The following BRI3 variants were observed in gnomAD, a reference collection of about 807,000 sequenced individuals.
BRI3 encodes brain protein I3.
A neutral mutation model predicts 12.8 loss-of-function variants in BRI3; 6 were observed. That is an observed-to-expected ratio of 0.47 (90% confidence interval 0.26 to 0.93). BRI3 has a LOEUF of 0.93. BRI3 is among the 40% of genes least tolerant of loss of function. The pLI is 0.15. For missense variants in BRI3, 134 were observed against 171.1 expected (o/e 0.78, Z 1.21); for synonymous variants, 91 against 76.1 (o/e 1.20, Z -1.02).
intron 2 of BRI3, among the ~76,000 whole-genome samples, chr7:98,289,940 T>C (rs1468761568): frequency 1.3e-5 from 2 of 152,218 alleles, no homozygotes; most frequent in African/African-American, 2.4e-5. Context: ...TTTAGTCTGT[T>C]ACAAACATTG....
chr7:98,307,398 A>G (rs944015045), intron 1 of BRI3: 11 of 1,234,280 alleles, frequency 8.9e-6, no homozygotes, highest in Middle Eastern at 3.5e-4. Flanking sequence ...GAGCCACTGC[A>G]CTGGCCAAAT....
At chr7:98,292,395 G>A (rs1800002875), downstream of BRI3, 4 of 494,038 alleles carry the variant, frequency 8.1e-6, no homozygotes, top group Admixed American at 3.5e-5. Flanking sequence ...TTTTAGTAGA[G>A]ACTCCTGACC....
chr7:98,310,449 T>C (rs1800824473), downstream of BRI3: 2 of 1,592,368 alleles, frequency 1.3e-6, no homozygotes, highest in African/African-American at 1.4e-5. Flanking sequence ...TCTTACCTGT[T>C]GAATTATTTA....
chr7:98,290,416 C>T (rs1451850923), intron 2 of BRI3, among the ~76,000 whole-genome samples: 10 of 151,222 alleles, frequency 6.6e-5, no homozygotes, highest in South Asian at 2.1e-4. Flanking sequence ...AGGATGGTCT[C>T]GATCTCCTGA....
At chr7:98,283,515 T>C (rs1799604448) in intron 2 of BRI3, among the ~76,000 whole-genome samples, 1 of 149,076 alleles carries the variant, frequency 6.7e-6, no homozygotes, top group African/African-American at 2.5e-5. Flanking sequence ...GCAGAAACAT[T>C]AGCCTTTGGA....
downstream of BRI3, among the ~76,000 whole-genome samples, chr7:98,314,812 G>A (rs1001820577): frequency 3.9e-5 from 6 of 152,218 alleles, no homozygotes; most frequent in African/African-American, 1.4e-4. Flanking sequence ...CAGCAGCCAT[G>A]GTGAAGACAC....
intron 2 of BRI3, among the ~76,000 whole-genome samples, chr7:98,284,666 C>T (rs117150865): frequency 1.3e-5 from 2 of 152,382 alleles, no homozygotes; most frequent in East Asian, 3.9e-4. Context: ...AGTCACACAT[C>T]TGTTAGTCCT....
Position 98,300,412 on chromosome 7 carries a change from C to T in BRI3, c.72-6071C>T, listed in dbSNP as rs554759371. Among the ~76,000 whole-genome samples, 28 of 152,284 alleles carry T rather than the reference C, an allele frequency of 1.8e-4. 1 individual carries two copies. Among genetic ancestry groups the T allele is most frequent in the African/African-American group, 5.1e-4 (21 of 41,560 alleles). ...GAGTGCTGTCTACAGAGGCTGGATG[C>T]GGGTGACAGTTGCAGTCCCTCCCCG... On this transcript the variant is annotated intron_variant and NMD_transcript_variant, in intron 1 of 2. Transcript: ENST00000491463.
chr7:98,290,602 G>A (rs1021500525), intron 2 of BRI3, among the ~76,000 whole-genome samples: 6 of 151,054 alleles, frequency 4.0e-5, no homozygotes, highest in African/African-American at 7.3e-5. Flanking sequence ...GGATTCAAGC[G>A]ATTCTCCTGC....
chr7:98,289,601 A>T (rs1015493599), intron 2 of BRI3, among the ~76,000 whole-genome samples: 2 of 152,074 alleles, frequency 1.3e-5, no homozygotes, highest in African/African-American at 4.8e-5. Context: ...TCTATCAGAC[A>T]GCCCCACCCT....
rs1167915414 is a variant in BRI3 at position 98,300,234 on chromosome 7, G to T, written c.72-6249G>T. Among the ~76,000 whole-genome samples, 4 of 139,074 alleles carry T rather than the reference G, an allele frequency of 2.9e-5. No individual in the cohort carries two copies. In the Admixed American group the frequency reaches 3.0e-4, roughly 11 times the overall value. 91.2% of individuals were successfully genotyped at this position (139,074 alleles called of 152,430 possible). A position where few individuals can be genotyped will look rare whatever the true frequency, so the allele number is the denominator to read the frequency against. On this transcript the variant is annotated intron_variant and NMD_transcript_variant, in intron 1 of 2. Coordinates refer to the BRI3 transcript ENST00000491463. ...TCCCTGCTGGTGAGGAGGCTGTGAG[G>T]CCAGGAGGCCCAGAACACACAGCCA...
At chr7:98,311,318 C>T (rs949400917), downstream of BRI3, among the ~76,000 whole-genome samples, 5 of 151,684 alleles carry the variant, frequency 3.3e-5, no homozygotes, top group East Asian at 2.0e-4. Context: ...CCGAGGTGGG[C>T]GGATCACGAG....
chr7:98,306,766 G>T, intron 1 of BRI3: 3 of 498,602 alleles, frequency 6.0e-6, no homozygotes, highest in Non-Finnish European at 1.1e-5. Flanking sequence ...GGAGTGCAGT[G>T]GTGCGATCAT....
At chr7:98,307,176 G>C in intron 1 of BRI3, 1 of 169,810 alleles carries the variant, frequency 5.9e-6, no homozygotes, top group Non-Finnish European at 1.3e-5. Context: ...GCAATGGCGA[G>C]ATCTCGGCTC....
At chr7:98,286,867 C>A (rs1313031378) in intron 2 of BRI3, among the ~76,000 whole-genome samples, 4 of 152,264 alleles carry the variant, frequency 2.6e-5, no homozygotes, top group Non-Finnish European at 4.4e-5. Context: ...TCACATGTTG[C>A]TGCCAGGTGA....
chr7:98,312,338 T>C, downstream of BRI3: 1 of 1,468,962 alleles, frequency 6.8e-7, no homozygotes, highest in Middle Eastern at 1.8e-4. Flanking sequence ...CATCACGTCA[T>C]ATCGCTGATA....
upstream of BRI3, among the ~76,000 whole-genome samples, chr7:98,304,982 C>G (rs1800586643): frequency 6.6e-6 from 1 of 150,960 alleles, no homozygotes; most frequent in African/African-American, 2.4e-5. Flanking sequence ...TCTCCTGCCT[C>G]AGCCTCCCAA....
chr7:98,288,096 CCT>C (rs941998401), intron 2 of BRI3, among the ~76,000 whole-genome samples: 14 of 152,322 alleles, frequency 9.2e-5, no homozygotes, highest in African/African-American at 3.1e-4. Flanking sequence ...GTTCACCCTC[CCT>C]GTCTGCTTTT....
intron 1 of BRI3, among the ~76,000 whole-genome samples, chr7:98,299,869 C>T (rs1306579812): frequency 5.3e-5 from 8 of 151,868 alleles, no homozygotes; most frequent in African/African-American, 9.7e-5. Flanking sequence ...GGTGAAACCC[C>T]GTATCTACTA....
Sources: gnomAD v4.1 joint callset for allele counts (sites outside exome capture counted in the v4.1 genomes callset) on GRCh38, gnomAD v4.1.1 for gene constraint, MANE v1.5 for transcripts, NCBI Gene and HGNC (gene_info 2026-07-23, HGNC 2026-07-21) for gene names.